Variants in NFIA observed in about 807,000 individuals in gnomAD.
The protein encoded by NFIA is nuclear factor I A, also known as nuclear factor 1 A-type.
A neutral mutation model predicts 62.8 loss-of-function variants in NFIA; 8 were observed. That is an observed-to-expected ratio of 0.13 (90% confidence interval 0.07 to 0.23). NFIA has a LOEUF of 0.23. Among genes scored for constraint, NFIA ranks in the 10% least tolerant of loss-of-function variants. The pLI, the probability that NFIA is intolerant of heterozygous loss-of-function variation, is 1.00. For missense variants in NFIA, 410 were observed against 642.1 expected (o/e 0.64, Z 3.91); for synonymous variants, 235 against 238.1 (o/e 0.99, Z 0.12).
chr1:61,127,185 G>GA (rs1557584017), intron 2 of NFIA, among the ~76,000 whole-genome samples: 1 of 146,392 alleles, frequency 6.8e-6, no homozygotes, highest in Non-Finnish European at 1.5e-5. Context: ...ATGCCAGGTA[G>GA]AGCAGCTCAC....
At chr1:61,433,742 A>G (rs1285582313) in intron 10 of NFIA, among the ~76,000 whole-genome samples, 6 of 152,110 alleles carry the variant, frequency 3.9e-5, no homozygotes, top group Admixed American at 2.0e-4. Flanking sequence ...AGGCAGAGCT[A>G]TTGTTATTAT....
Position 61,432,606 on chromosome 1 carries a change from T to C in NFIA, c.1512+6050T>C, listed in dbSNP as rs1166579503. Among the ~76,000 whole-genome samples the C allele has an allele frequency of 5.8e-3, 620 of 106,040 alleles. 2 individuals carry two copies. Among genetic ancestry groups the C allele is most frequent in the African/African-American group, 0.024 (595 of 25,306 alleles). 69.6% of individuals were successfully genotyped at this position (106,040 alleles called of 152,430 possible). ...ATATATATGTGTGTATATATATATATATATACACACACACACACGTACACA... is the reference window on the plus strand; with the variant it reads ...ATATATATGTGTGTATATATATATACATATACACACACACACACGTACACA... On this transcript the variant is annotated intron_variant, in intron 10 of 10. Coordinates refer to ENST00000403491, the MANE Select transcript of NFIA (RefSeq NM_001134673.4).
chr1:61,418,514 G>A (rs945970457), intron 9 of NFIA, among the ~76,000 whole-genome samples: 2 of 151,950 alleles, frequency 1.3e-5, no homozygotes, highest in Admixed American at 1.3e-4. Flanking sequence ...ATCACTCTCT[G>A]TGCATATTTC....
intron 3 of NFIA, among the ~76,000 whole-genome samples, chr1:61,278,005 C>T (rs1316034545): frequency 6.6e-6 from 1 of 151,656 alleles, no homozygotes; most frequent in Non-Finnish European, 1.5e-5. Flanking sequence ...CATTCACAAG[C>T]AGTTTTAAGC....
intron 2 of NFIA, among the ~76,000 whole-genome samples, chr1:61,254,467 G>A (rs888903293): frequency 6.6e-6 from 1 of 152,170 alleles, no homozygotes; most frequent in African/African-American, 2.4e-5. Context: ...CACTGGCACT[G>A]CCCTAGGTTT....
At chr1:61,341,154 T>A (rs547643995) in intron 4 of NFIA, among the ~76,000 whole-genome samples, 11 of 148,176 alleles carry the variant, frequency 7.4e-5, no homozygotes, top group Admixed American at 3.4e-4. Flanking sequence ...AGCTCCACCT[T>A]CCGGGTTCAC....
intron 4 of NFIA, among the ~76,000 whole-genome samples, chr1:61,341,148 C>G (rs1661884248): frequency 6.7e-6 from 1 of 149,686 alleles, no homozygotes; most frequent in Non-Finnish European, 1.5e-5. Context: ...ACTGCAAGCT[C>G]CACCTTCCGG....
intron 2 of NFIA, among the ~76,000 whole-genome samples, chr1:61,171,255 A>G (rs966181724): frequency 1.3e-5 from 2 of 152,254 alleles, no homozygotes; most frequent in African/African-American, 2.4e-5. Flanking sequence ...TAAAAAAAGT[A>G]TTACAATAGG....
intron 10 of NFIA, among the ~76,000 whole-genome samples, chr1:61,441,325 G>GTC (rs1557441654): frequency 2.7e-5 from 4 of 150,332 alleles, no homozygotes; most frequent in African/African-American, 7.4e-5. Context: ...GTGTGTGTGT[G>GTC]TGTGTGTGTC....
intron 2 of NFIA, among the ~76,000 whole-genome samples, chr1:61,096,831 G>A (rs1399971760): frequency 1.3e-5 from 2 of 151,260 alleles, no homozygotes; most frequent in Non-Finnish European, 2.9e-5. Flanking sequence ...GATTACAGGC[G>A]TGAGCCACCG....
At chr1:61,211,742 G>A (rs1276208497) in intron 2 of NFIA, among the ~76,000 whole-genome samples, 1 of 152,106 alleles carries the variant, frequency 6.6e-6, no homozygotes. Context: ...CTGTCACCCA[G>A]GCTGGAGTTC....
At chr1:61,269,810 T>C (rs536563347) in intron 2 of NFIA, among the ~76,000 whole-genome samples, 1 of 152,342 alleles carries the variant, frequency 6.6e-6, no homozygotes, top group South Asian at 2.1e-4. Context: ...TGAGGTAGCT[T>C]CTTGCTGGTA....
At chr1:61,093,434 C>T (rs1646355958) in intron 2 of NFIA, among the ~76,000 whole-genome samples, 1 of 152,038 alleles carries the variant, frequency 6.6e-6, no homozygotes, top group Admixed American at 6.5e-5. Flanking sequence ...CAAACTCTAG[C>T]TTTAAGCTCA....
At chr1:61,127,239 C>T (rs1002432413) in intron 2 of NFIA, among the ~76,000 whole-genome samples, 21 of 151,350 alleles carry the variant, frequency 1.4e-4, no homozygotes, top group Non-Finnish European at 2.2e-4. Flanking sequence ...GGATGGATCG[C>T]GAGGTCAGGA....
chr1:61,148,896 A>G (rs1490082117), intron 2 of NFIA, among the ~76,000 whole-genome samples: 1 of 152,142 alleles, frequency 6.6e-6, no homozygotes, highest in Non-Finnish European at 1.5e-5. Context: ...AATTAGAGAC[A>G]GGGTCTTAAT....
chr1:61,424,354 C>G (rs1421549807), intron 9 of NFIA, among the ~76,000 whole-genome samples: 1 of 151,454 alleles, frequency 6.6e-6, no homozygotes, highest in Non-Finnish European at 1.5e-5. Flanking sequence ...CCCCCCTCAA[C>G]CCCCAGAATG....
chr1:61,447,417 T>G (rs963537104), intron 10 of NFIA, among the ~76,000 whole-genome samples: 1 of 152,252 alleles, frequency 6.6e-6, no homozygotes, highest in African/African-American at 2.4e-5. Flanking sequence ...TCTTCTGATA[T>G]TTGTTGGACT....
chr1:61,351,574 T>C (rs1662552856), intron 4 of NFIA, among the ~76,000 whole-genome samples: 1 of 152,214 alleles, frequency 6.6e-6, no homozygotes, highest in Non-Finnish European at 1.5e-5. Context: ...AGTTGTTTTA[T>C]AGAATTGGTA....
intron 2 of NFIA, among the ~76,000 whole-genome samples, chr1:61,135,354 A>G (rs902672952): frequency 1.3e-5 from 2 of 152,198 alleles, no homozygotes; most frequent in African/African-American, 4.8e-5. Context: ...CTACATCTTT[A>G]GGTTCCTAAA....
Sources: allele counts gnomAD v4.1 joint callset (sites outside exome capture counted in the v4.1 genomes callset), GRCh38; gene constraint gnomAD v4.1.1; transcripts MANE v1.5; gene names NCBI Gene and HGNC (gene_info 2026-07-23, HGNC 2026-07-21).